Variants in OTOGL observed in about 807,000 individuals in gnomAD.
The protein encoded by OTOGL is otogelin-like protein.
A neutral mutation model predicts 318.5 loss-of-function variants in OTOGL; 285 were observed. The ratio of observed to expected loss-of-function variants is 0.89; its 90% CI spans 0.81 to 0.99. The LOEUF (loss-of-function observed/expected upper bound fraction) is 0.99, where lower values mean the gene tolerates loss of function less well. Ranked by LOEUF, OTOGL falls within the 50% of genes least tolerant of loss-of-function variation. The probability of loss-of-function intolerance (pLI) is 0.00; values close to 1 mark genes in which losing one functional copy is unlikely to be tolerated. For synonymous variants in OTOGL, 987 were observed against 936.5 expected (o/e 1.05, Z -0.99); for missense variants, 2,899 against 2,845.6 (o/e 1.02, Z -0.43).
intron 38 of OTOGL, 97 bp downstream of exon 38, chr12:80,333,175 A>G: frequency 9.7e-7 from 1 of 1,031,814 alleles, no homozygotes; most frequent in African/African-American, 1.6e-5. Flanking sequence ...ACTTTTTTTG[A>G]TATGTTCTCT....
intron 34 of OTOGL, among the ~76,000 whole-genome samples, chr12:80,323,261 A>G (rs1887463637): frequency 1.3e-5 from 2 of 152,176 alleles, no homozygotes; most frequent in Non-Finnish European, 2.9e-5. Context: ...TGCTTTGGTC[A>G]CCAAGCAATT....
chr12:80,301,774 G>A (rs944270082), intron 27 of OTOGL, among the ~76,000 whole-genome samples: 2 of 152,118 alleles, frequency 1.3e-5, no homozygotes, highest in African/African-American at 4.8e-5. Flanking sequence ...ATGAGGGTTA[G>A]GTCCCAAGAC....
At chr12:80,237,972 G>A (rs1384539951) in intron 9 of OTOGL, among the ~76,000 whole-genome samples, 1 of 152,116 alleles carries the variant, frequency 6.6e-6, no homozygotes, top group African/African-American at 2.4e-5. Flanking sequence ...ATGTCATCTT[G>A]TTTGATTTTG....
At chr12:80,231,737 C>T (rs1299412039) in intron 8 of OTOGL, among the ~76,000 whole-genome samples, 4 of 151,938 alleles carry the variant, frequency 2.6e-5, no homozygotes, top group Non-Finnish European at 2.9e-5. Context: ...CAGGTTCAAG[C>T]GATTCTCCTG....
chr12:80,219,058 C>T (rs1878024113), intron 5 of OTOGL, among the ~76,000 whole-genome samples: 1 of 152,036 alleles, frequency 6.6e-6, no homozygotes, highest in Non-Finnish European at 1.5e-5. Flanking sequence ...AAGCAGGAGT[C>T]TCCCTTTGAG....
At chr12:80,124,269 T>C (rs1212568096) in intron 1 of OTOGL, among the ~76,000 whole-genome samples, 3 of 152,226 alleles carry the variant, frequency 2.0e-5, no homozygotes, top group Non-Finnish European at 4.4e-5. Context: ...TAGCCAGTTT[T>C]CCCAGCACCA....
chr12:80,223,825 A>G (rs766113346), intron 7 of OTOGL, among the ~76,000 whole-genome samples: 1 of 152,022 alleles, frequency 6.6e-6, no homozygotes, highest in Non-Finnish European at 1.5e-5. Flanking sequence ...GATTCTGTAT[A>G]TTAGTCCATT....
intron 1 of OTOGL, among the ~76,000 whole-genome samples, chr12:80,110,133 T>G (rs1869746106): frequency 6.9e-6 from 1 of 145,706 alleles, no homozygotes; most frequent in African/African-American, 2.5e-5. Flanking sequence ...AGTGGCACCA[T>G]CTCGGCTCAC....
At position 80,380,181 on chromosome 12, in the gene OTOGL, A is replaced by G. The variant is rs1172775093; in HGVS notation, c.*2133A>G. 6.6e-6 allele frequency: 1 copy of G among 152,088 alleles called. No homozygotes were observed. The highest frequency in any genetic ancestry group is 2.4e-5 in the African/African-American group (1 of 41,452). 9.4% of individuals were successfully genotyped at this position (152,088 alleles called of 1,614,324 possible). A position where few individuals can be genotyped will look rare whatever the true frequency, so the allele number is the denominator to read the frequency against. On this transcript the variant is annotated 3_prime_UTR_variant, in exon 59 of 59. Coordinates refer to ENST00000547103, the MANE Select transcript of OTOGL (RefSeq NM_001378609.3). ...TAAAAAACAAAAGAAGATAGGAGTTACAAAAGAAAATAGGGAAGAAATCTT... is the reference window on the plus strand; with the variant it reads ...TAAAAAACAAAAGAAGATAGGAGTTGCAAAAGAAAATAGGGAAGAAATCTT...
intron 44 of OTOGL, among the ~76,000 whole-genome samples, chr12:80,348,977 A>G (rs760282442): frequency 1.3e-5 from 2 of 152,196 alleles, no homozygotes; most frequent in Non-Finnish European, 2.9e-5. Context: ...ATTCTTATGC[A>G]TAGTACAGTG....
chr12:80,371,560 A>G (rs575489757), intron 56 of OTOGL, among the ~76,000 whole-genome samples: 3 of 152,264 alleles, frequency 2.0e-5, no homozygotes, highest in Admixed American at 6.5e-5. Context: ...CTTAGACAAG[A>G]GTCCTTCCAA....
intron 44 of OTOGL, among the ~76,000 whole-genome samples, chr12:80,351,628 A>G (rs1889558668): frequency 6.6e-6 from 1 of 152,128 alleles, no homozygotes; most frequent in African/African-American, 2.4e-5. Context: ...GGACTATGAA[A>G]AAATACTATT....
chr12:80,377,799 A>T, intron 58 of OTOGL, 49 bp from the exon 59 acceptor site: 2 of 1,366,954 alleles, frequency 1.5e-6, no homozygotes, highest in Non-Finnish European at 1.0e-6. Flanking sequence ...AATAATAACC[A>T]GTACTTTTAA....
intron 1 of OTOGL, among the ~76,000 whole-genome samples, chr12:80,143,299 T>C (rs1295924112): frequency 1.3e-5 from 2 of 152,152 alleles, no homozygotes; most frequent in East Asian, 3.9e-4. Context: ...GAATTCCAAA[T>C]TGACTTCTTG....
intron 26 of OTOGL, among the ~76,000 whole-genome samples, chr12:80,279,610 C>T (rs1213014751): frequency 6.6e-6 from 1 of 151,538 alleles, no homozygotes; most frequent in African/African-American, 2.4e-5. Context: ...ATCCATGTTG[C>T]TGCAAAAGAC....
At chr12:80,127,019 T>C (rs1202050066) in intron 1 of OTOGL, among the ~76,000 whole-genome samples, 1 of 152,224 alleles carries the variant, frequency 6.6e-6, no homozygotes, top group Non-Finnish European at 1.5e-5. Flanking sequence ...TGTCTTTTAA[T>C]TGGAGCATTT....
At chr12:80,354,281 A>G (rs1389473212) in intron 46 of OTOGL, among the ~76,000 whole-genome samples, 1 of 152,194 alleles carries the variant, frequency 6.6e-6, no homozygotes. Flanking sequence ...CTTCTGCCAT[A>G]GTACAAGGCA....
intron 1 of OTOGL, among the ~76,000 whole-genome samples, chr12:80,105,660 T>A (rs1422093496): frequency 6.6e-6 from 1 of 152,232 alleles, no homozygotes; most frequent in African/African-American, 2.4e-5. Flanking sequence ...TGAACCTTAA[T>A]GTTAATACAA....
chr12:80,103,143 C>G (rs10506821), intron 1 of OTOGL: 14,065 of 1,180,308 alleles, frequency 0.012, 326 homozygotes, highest in East Asian at 0.1. Context: ...AATTTGCTGA[C>G]CTTCGTAGTG....
Sources: allele counts gnomAD v4.1 joint callset (sites outside exome capture counted in the v4.1 genomes callset), GRCh38; gene constraint gnomAD v4.1.1; transcripts MANE v1.5; gene names NCBI Gene and HGNC (gene_info 2026-07-23, HGNC 2026-07-21).